The following CSGALNACT1 variants were observed in gnomAD, a reference collection of about 807,000 sequenced individuals.
CSGALNACT1 encodes chondroitin sulfate N-acetylgalactosaminyltransferase 1.
Under a neutral mutation model 51.0 loss-of-function variants are expected in CSGALNACT1, and 52 were observed. The ratio of observed to expected loss-of-function variants is 1.02; its 90% CI spans 0.82 to 1.29. The LOEUF is 1.29. Ranked by LOEUF, CSGALNACT1 falls within the 50% of genes most tolerant of loss-of-function variation. The pLI, the probability that CSGALNACT1 is intolerant of heterozygous loss-of-function variation, is 0.00. For synonymous variants in CSGALNACT1, 341 were observed against 254.4 expected (o/e 1.34, Z -3.24); for missense variants, 935 against 679.2 (o/e 1.38, Z -4.19).
intron 3 of CSGALNACT1, among the ~76,000 whole-genome samples, chr8:19,556,536 G>A (rs1172217222): frequency 1.3e-5 from 2 of 152,162 alleles, no homozygotes; most frequent in African/African-American, 4.8e-5. Context: ...AATATTCAGT[G>A]TCACGGCACC....
chr8:19,445,115 T>C, intron 5 of CSGALNACT1, among the ~76,000 whole-genome samples: 1 of 152,162 alleles, frequency 6.6e-6, no homozygotes, highest in East Asian at 1.9e-4. Context: ...ACGATATGTT[T>C]TGAAACCAGG....
intron 1 of CSGALNACT1, among the ~76,000 whole-genome samples, chr8:19,721,632 C>G (rs1156984777): frequency 6.6e-6 from 1 of 152,170 alleles, no homozygotes; most frequent in African/African-American, 2.4e-5. Context: ...CACTAAAATA[C>G]CACATTCCAT....
chr8:19,511,275 G>A (rs2078415097), intron 3 of CSGALNACT1, among the ~76,000 whole-genome samples: 1 of 152,222 alleles, frequency 6.6e-6, no homozygotes, highest in Non-Finnish European at 1.5e-5. Context: ...AAAAAAACAA[G>A]CAGTGTCTAT....
intron 3 of CSGALNACT1, among the ~76,000 whole-genome samples, chr8:19,584,965 T>A (rs887814308): frequency 3.3e-5 from 5 of 152,114 alleles, no homozygotes; most frequent in African/African-American, 1.2e-4. Context: ...CAAATAGACT[T>A]AAGTCTGAAT....
chr8:19,752,292 G>A (rs915477871), intron 1 of CSGALNACT1, among the ~76,000 whole-genome samples: 10 of 151,434 alleles, frequency 6.6e-5, no homozygotes, highest in African/African-American at 2.2e-4. Context: ...AGACAAGAGC[G>A]TCACACAAAC....
rs533543726 is a variant in CSGALNACT1, at chr8:19,434,364, T to C, written c.953+5466A>G. Among the ~76,000 whole-genome samples, 8 of 152,312 alleles carry C rather than the reference T, an allele frequency of 5.3e-5. No individual in the cohort carries two copies. In the South Asian group the frequency reaches 1.0e-3, roughly 20 times the overall value. On this transcript the variant is annotated intron_variant, in intron 6 of 9. Coordinates refer to ENST00000454498, the Ensembl canonical transcript of CSGALNACT1. ...AAGAATAGTATAATAAGTGCCCACA[T>C]ACCCTTGGCTAGATTCACTAAGTGT...
At chr8:19,655,126 T>A (rs2058144240) in intron 1 of CSGALNACT1, among the ~76,000 whole-genome samples, 1 of 152,158 alleles carries the variant, frequency 6.6e-6, no homozygotes, top group South Asian at 2.1e-4. Flanking sequence ...AAATAGTGAT[T>A]AGCAGAAGTC....
At chr8:19,539,012 A>C (rs906078498) in intron 3 of CSGALNACT1, among the ~76,000 whole-genome samples, 1 of 152,208 alleles carries the variant, frequency 6.6e-6, no homozygotes, top group Non-Finnish European at 1.5e-5. Flanking sequence ...CATACAGGAG[A>C]AACTACAACT....
intron 3 of CSGALNACT1, among the ~76,000 whole-genome samples, chr8:19,579,565 G>A (rs1335391523): frequency 6.6e-6 from 1 of 152,182 alleles, no homozygotes; most frequent in Non-Finnish European, 1.5e-5. Flanking sequence ...TAGAGATAGA[G>A]ACGGACACAT....
intron 6 of CSGALNACT1, among the ~76,000 whole-genome samples, chr8:19,438,592 A>G (rs1437281891): frequency 1.3e-4 from 20 of 152,222 alleles, no homozygotes; most frequent in Admixed American, 1.3e-3. Context: ...ATTTGTCTGT[A>G]AAGAGCCAGA....
chr8:19,606,920 C>T (rs947593561), upstream of CSGALNACT1, among the ~76,000 whole-genome samples: 6 of 152,194 alleles, frequency 3.9e-5, no homozygotes, highest in South Asian at 2.1e-4. Context: ...CTTTGGGAGG[C>T]GGAGACGGGT....
intron 6 of CSGALNACT1, among the ~76,000 whole-genome samples, chr8:19,435,893 C>T (rs748469828): frequency 1.5e-4 from 23 of 152,238 alleles, no homozygotes; most frequent in South Asian, 4.1e-4. Context: ...CACACACACA[C>T]GCACACACAT....
At chr8:19,478,844 T>C (rs2070543157) in intron 4 of CSGALNACT1, among the ~76,000 whole-genome samples, 1 of 152,170 alleles carries the variant, frequency 6.6e-6, no homozygotes, top group African/African-American at 2.4e-5. Context: ...GTAAACAACA[T>C]TGATATCAAG....
intron 1 of CSGALNACT1, among the ~76,000 whole-genome samples, chr8:19,643,775 G>C (rs2056978269): frequency 6.6e-6 from 1 of 152,192 alleles, no homozygotes; most frequent in Admixed American, 6.5e-5. Flanking sequence ...AAATTAACCA[G>C]GATAGCACAC....
At chr8:19,661,000 C>A (rs1273698186) in intron 1 of CSGALNACT1, among the ~76,000 whole-genome samples, 1 of 152,146 alleles carries the variant, frequency 6.6e-6, no homozygotes, top group Non-Finnish European at 1.5e-5. Context: ...GCAACCTCTG[C>A]CTCCTGGGTT....
At chr8:19,408,979 A>ACACACACACACACACACACAC (rs2055001271) in intron 8 of CSGALNACT1, among the ~76,000 whole-genome samples, 1 of 66,374 alleles carries the variant, frequency 1.5e-5, no homozygotes, top group Non-Finnish European at 3.7e-5. Flanking sequence ...CACACACACA[A>ACACACACACACACACACACAC]TCAAAAACAA....
At chr8:19,455,201 A>G (rs997219424) in intron 5 of CSGALNACT1, among the ~76,000 whole-genome samples, 3 of 152,236 alleles carry the variant, frequency 2.0e-5, no homozygotes, top group Non-Finnish European at 4.4e-5. Flanking sequence ...ATTACCTTTT[A>G]CAAACTAAAA....
chr8:19,667,346 G>C (rs1388677047), intron 1 of CSGALNACT1, among the ~76,000 whole-genome samples: 1 of 151,774 alleles, frequency 6.6e-6, no homozygotes, highest in Non-Finnish European at 1.5e-5. Context: ...GAGGTTAGGG[G>C]GACTGCTTGA....
chr8:19,476,441 C>G (rs1349865148), intron 4 of CSGALNACT1, among the ~76,000 whole-genome samples: 1 of 152,132 alleles, frequency 6.6e-6, no homozygotes, highest in African/African-American at 2.4e-5. Flanking sequence ...GGGGTTTCGC[C>G]ATGTTGGCCA....
Sources: gnomAD v4.1 joint callset for allele counts (sites outside exome capture counted in the v4.1 genomes callset) on GRCh38, gnomAD v4.1.1 for gene constraint, MANE v1.5 for transcripts, NCBI Gene and HGNC (gene_info 2026-07-23, HGNC 2026-07-21) for gene names.